BFSP1: variants seen among roughly 807,000 people sequenced by gnomAD.
BFSP1 encodes the protein filensin.
Under a neutral mutation model 43.9 loss-of-function variants are expected in BFSP1, and 38 were observed. That is an observed-to-expected ratio of 0.87 (90% CI 0.67 to 1.14). The LOEUF is 1.14. BFSP1 is among the 50% of genes most tolerant of loss of function. The probability of loss-of-function intolerance (pLI) is 0.00; values close to 1 mark genes in which losing one functional copy is unlikely to be tolerated. For synonymous variants in BFSP1, 352 were observed against 354.8 expected, an observed-to-expected ratio of 0.99 and a Z score of 0.09; for missense variants, 850 against 875.1, an observed-to-expected ratio of 0.97 and a Z score of 0.36.
intron 2 of BFSP1, among the ~76,000 whole-genome samples, chr20:17,516,040 C>T (rs1430097029): frequency 6.6e-6 from 1 of 152,162 alleles, no homozygotes; most frequent in Non-Finnish European, 1.5e-5. Flanking sequence ...TTAAGAAAGG[C>T]ACTTGGGGCC....
chr20:17,527,092 T>C (rs1239601138), intron 1 of BFSP1, among the ~76,000 whole-genome samples: 1 of 152,272 alleles, frequency 6.6e-6, no homozygotes, highest in African/African-American at 2.4e-5. Flanking sequence ...AGAACAATTA[T>C]GAATATGTGC....
chr20:17,559,638 C>A (rs2035049048), upstream of BFSP1, among the ~76,000 whole-genome samples: 1 of 152,148 alleles, frequency 6.6e-6, no homozygotes, highest in Non-Finnish European at 1.5e-5. Context: ...TGAGCATGAC[C>A]ACCTGAGCTC....
At chr20:17,548,685 T>A (rs1187060269) in intron 1 of BFSP1, among the ~76,000 whole-genome samples, 1 of 152,192 alleles carries the variant, frequency 6.6e-6, no homozygotes, top group Non-Finnish European at 1.5e-5. Context: ...AAAAAATCAG[T>A]CTAAAAGCAT....
intron 6 of BFSP1, among the ~76,000 whole-genome samples, chr20:17,497,665 C>T (rs78697579): frequency 0.13 from 20,020 of 148,508 alleles, 1,320 homozygotes; most frequent in East Asian, 0.17. Context: ...CTCATATATA[C>T]GTATATACAT....
At chr20:17,532,672 A>AAT (rs953185436), upstream of BFSP1, among the ~76,000 whole-genome samples, 8 of 151,476 alleles carry the variant, frequency 5.3e-5, no homozygotes, top group African/African-American at 1.2e-4. Context: ...AAGCTTTTAA[A>AAT]ATATATATAT....
intron 1 of BFSP1, among the ~76,000 whole-genome samples, chr20:17,542,691 T>G (rs2034738406): frequency 6.6e-6 from 1 of 152,226 alleles, no homozygotes; most frequent in South Asian, 2.1e-4. Context: ...ATTTTGGCAT[T>G]CTTTCCTCAG....
upstream of BFSP1, among the ~76,000 whole-genome samples, chr20:17,531,913 T>C (rs1414272570): frequency 6.6e-6 from 1 of 152,202 alleles, no homozygotes; most frequent in Non-Finnish European, 1.5e-5. Context: ...AGGACCCTTC[T>C]GTATAGCAGA....
chr20:17,562,526 CAAAAAAAAAAAAAA>C (rs550158623), upstream of BFSP1, among the ~76,000 whole-genome samples: 2 of 48,040 alleles, frequency 4.2e-5, no homozygotes, highest in South Asian at 2.0e-3. Context: ...GACTCTGTCT[CAAAAAAAAAAAAAA>C]AAAAAAAAAA....
chr20:17,525,016 A>G lies in BFSP1; in HGVS notation c.378-108T>C, dbSNP rs1425987649. The G allele has an allele frequency of 2.1e-6, 2 of 947,956 alleles. No homozygotes were observed. The highest frequency in any genetic ancestry group is 1.7e-6 in the Non-Finnish European group (1 of 581,622). 58.7% of individuals were successfully genotyped at this position (947,956 alleles called of 1,614,324 possible). ...CCTGGGTACGATGCCCTCTCCTTTAAGGAGAGGGTCTTAATTTTAAAGTAG... is the reference window on the plus strand; with the variant it reads ...CCTGGGTACGATGCCCTCTCCTTTAGGGAGAGGGTCTTAATTTTAAAGTAG... On this transcript the variant is annotated intron_variant, in intron 1 of 7. Coordinates refer to ENST00000377873, the MANE Select transcript of BFSP1 (RefSeq NM_001195.5). This position sits in a 1 kb window ranked among gnomAD's most constrained non-coding sequence, Gnocchi z 4.2.
At chr20:17,545,072 A>C (rs1386334477) in intron 1 of BFSP1, among the ~76,000 whole-genome samples, 1 of 152,226 alleles carries the variant, frequency 6.6e-6, no homozygotes, top group Non-Finnish European at 1.5e-5. Context: ...CTCTCAATGC[A>C]ATAGAAATTG....
intron 1 of BFSP1, among the ~76,000 whole-genome samples, chr20:17,549,805 C>T (rs1600681333): frequency 1.3e-5 from 2 of 152,118 alleles, no homozygotes; most frequent in Non-Finnish European, 2.9e-5. Context: ...CACTACACTC[C>T]AGCCTGGGAA....
Position 17,542,234 on chromosome 20 carries a change from G to A in BFSP1, c.2+16454C>T, listed in dbSNP as rs182476615. Among the ~76,000 whole-genome samples, 358 of 150,838 alleles carry A rather than the reference G, an allele frequency of 2.4e-3. 4 individuals are homozygous for A. Among genetic ancestry groups the A allele is most frequent in the African/African-American group, 8.5e-3 (347 of 41,036 alleles). ...TCATCGGTAGCTTGAAATTGGAAAC[G>A]GTGAGAGTATCTACACCACAAGAAT... On this transcript the variant is annotated intron_variant, in intron 1 of 7. Coordinates refer to the BFSP1 transcript ENST00000377868.
chr20:17,507,397 T>C lies in BFSP1; in HGVS notation c.735+1492A>G, dbSNP rs756089519. 6.6e-6 allele frequency among the ~76,000 whole-genome samples: 1 copy of C among 152,156 alleles called. No homozygotes were observed. Among genetic ancestry groups the C allele is most frequent in the Non-Finnish European group, 1.5e-5 (1 of 68,034 alleles). The stretch of plus-strand genomic sequence containing the variant: ...TCACTTGCTGTACACTCTGTTTTTC[T>C]TATTATATTTTAGTCTAGCATTTTG... On this transcript the variant is annotated intron_variant, in intron 5 of 7. Transcript: ENST00000377873. This position sits in a 1 kb window ranked among gnomAD's most constrained non-coding sequence, Gnocchi z 4.4.
chr20:17,556,756 T>C (rs1394646874), intron 1 of BFSP1, among the ~76,000 whole-genome samples: 1 of 152,066 alleles, frequency 6.6e-6, no homozygotes, highest in Non-Finnish European at 1.5e-5. Context: ...ATTTATATAA[T>C]TAAATTTTTT....
At position 17,497,128 on chromosome 20, in the gene BFSP1, T is replaced by G. The variant is rs188215567; in HGVS notation, c.957-105A>C. On this transcript the variant is annotated intron_variant, in intron 6 of 7. Transcript: ENST00000377873. ...AAAAAAAAGCTTTCTCTAGACCAAA[T>G]TGCTCACGAATTAGATATCATTTTA... The G allele has an allele frequency of 2.5e-5, 20 of 795,090 alleles. No homozygotes were observed. The East Asian group carries it at 2.8e-4, about 11-fold the overall frequency. The allele number at this position is 795,090 out of a possible 1,614,324, so 49.3% of individuals were successfully genotyped here.
chr20:17,568,397 T>G (rs2035147374), intron 1 of BFSP1, among the ~76,000 whole-genome samples: 1 of 151,942 alleles, frequency 6.6e-6, no homozygotes, highest in Non-Finnish European at 1.5e-5. Flanking sequence ...TATTAAGAAG[T>G]GTAAGGGCCA....
chr20:17,497,459 T>TACACACACACACACAC (rs34512937), intron 6 of BFSP1, among the ~76,000 whole-genome samples: 4 of 144,932 alleles, frequency 2.8e-5, no homozygotes, highest in African/African-American at 7.7e-5. Flanking sequence ...TATATATATA[T>TACACACACACACACAC]ACACACACAC....
At chr20:17,556,713 GTT>G (rs111541025) in intron 1 of BFSP1, among the ~76,000 whole-genome samples, 1 of 147,478 alleles carries the variant, frequency 6.8e-6, no homozygotes, top group Admixed American at 6.8e-5. Context: ...TCTACCCAGA[GTT>G]TTTTTTTTAA....
intron 1 of BFSP1, among the ~76,000 whole-genome samples, chr20:17,566,836 T>C (rs992972479): frequency 3.9e-5 from 6 of 152,132 alleles, no homozygotes; most frequent in African/African-American, 1.4e-4. Context: ...GTATTTTTAG[T>C]AGAGACGGGG....
Sources: allele counts gnomAD v4.1 joint callset (sites outside exome capture counted in the v4.1 genomes callset), GRCh38; gene constraint gnomAD v4.1.1; non-coding constraint Gnocchi (gnomAD v3.1); transcripts MANE v1.5; gene names NCBI Gene and HGNC (gene_info 2026-07-23, HGNC 2026-07-21).